NLGN4X: variants seen among roughly 807,000 people sequenced by gnomAD.
NLGN4X encodes neuroligin 4 X-linked.
NLGN4X carries 3 observed loss-of-function variants against 40.3 expected under a neutral mutation model. The ratio of observed to expected loss-of-function variants is 0.07; its 90% confidence interval spans 0.03 to 0.19. NLGN4X has a LOEUF of 0.19. Ranked by LOEUF, NLGN4X falls within the 10% of genes least tolerant of loss-of-function variation. The pLI is 1.00. For synonymous variants in NLGN4X, 270 were observed against 306.8 expected (o/e 0.88, Z 1.25); for missense variants, 382 against 708.3 (o/e 0.54, Z 5.23).
chrX:6,128,360 GC>G (rs771769326), intron 2 of NLGN4X, among the ~76,000 whole-genome samples: 1 of 111,426 alleles, frequency 9.0e-6, no homozygotes, highest in East Asian at 2.8e-4. Context: ...ATACAAGGGA[GC>G]CCACAAGAAA....
intron 2 of NLGN4X, among the ~76,000 whole-genome samples, chrX:6,131,993 G>A (rs2039690398): frequency 9.0e-6 from 1 of 111,595 alleles, no homozygotes; most frequent in South Asian, 3.7e-4. Flanking sequence ...GGCATCCCTT[G>A]CCTCCATTCC....
At chrX:6,145,705 G>A (rs771079972) in intron 2 of NLGN4X, among the ~76,000 whole-genome samples, 1 of 109,180 alleles carries the variant, frequency 9.2e-6, no homozygotes, top group African/African-American at 3.3e-5. Flanking sequence ...TTTTTTTTTT[G>A]TAAAATCGCT....
intron 5 of NLGN4X, among the ~76,000 whole-genome samples, chrX:5,894,985 T>C (rs1422953669): frequency 8.9e-6 from 1 of 112,171 alleles, no homozygotes; most frequent in African/African-American, 3.2e-5. Flanking sequence ...GCGGGACTTC[T>C]GTGAAACTGC....
At chrX:6,120,107 C>T (rs1030312251) in intron 2 of NLGN4X, among the ~76,000 whole-genome samples, 1 of 111,104 alleles carries the variant, frequency 9.0e-6, no homozygotes, top group South Asian at 3.9e-4. Context: ...CACTGAAGCC[C>T]GAAGCTGCAA....
chrX:5,939,715 C>A (rs1323917650), intron 3 of NLGN4X, among the ~76,000 whole-genome samples: 1 of 111,023 alleles, frequency 9.0e-6, no homozygotes, highest in Non-Finnish European at 1.9e-5. Context: ...GATAAGGGTC[C>A]CATGTAGTAT....
chrX:6,006,960 G>A (rs977645460), intron 3 of NLGN4X, among the ~76,000 whole-genome samples: 1 of 110,914 alleles, frequency 9.0e-6, no homozygotes, highest in Non-Finnish European at 1.9e-5. Flanking sequence ...TCTACTCAAA[G>A]GAAAAGAAAT....
chrX:6,199,999 G>T (rs1314295295), intron 1 of NLGN4X, among the ~76,000 whole-genome samples: 2 of 112,042 alleles, frequency 1.8e-5, no homozygotes, highest in East Asian at 5.6e-4. Context: ...TGGCTTGGCT[G>T]CATATCTCAG....
intron 3 of NLGN4X, among the ~76,000 whole-genome samples, chrX:6,003,876 C>T (rs1405119575): frequency 9.0e-6 from 1 of 111,369 alleles, no homozygotes; most frequent in Non-Finnish European, 1.9e-5. Flanking sequence ...CTACTAGATG[C>T]TGCCGTGGGG....
chrX:6,053,494 C>T (rs1301855559), intron 2 of NLGN4X, among the ~76,000 whole-genome samples: 3 of 110,679 alleles, frequency 2.7e-5, no homozygotes, highest in Non-Finnish European at 5.7e-5. Flanking sequence ...GGTTTCTCAG[C>T]GCTCAGATGG....
At chrX:5,911,370 A>G (rs1280183519) in intron 3 of NLGN4X, among the ~76,000 whole-genome samples, 1 of 111,933 alleles carries the variant, frequency 8.9e-6, no homozygotes, top group Admixed American at 9.5e-5. Context: ...CTTCCTCCCT[A>G]GCAAAATCAG....
intron 4 of NLGN4X, among the ~76,000 whole-genome samples, chrX:5,908,481 A>G (rs2146757871): frequency 8.9e-6 from 1 of 111,925 alleles, no homozygotes; most frequent in South Asian, 3.7e-4. Flanking sequence ...TTGTAGCTAG[A>G]AGTTAATAAA....
At chrX:6,074,624 C>T (rs1264641722) in intron 2 of NLGN4X, among the ~76,000 whole-genome samples, 7 of 111,523 alleles carry the variant, frequency 6.3e-5, no homozygotes, top group Admixed American at 3.8e-4. Flanking sequence ...GTGCCATTGT[C>T]GTAGCAATGG....
intron 2 of NLGN4X, among the ~76,000 whole-genome samples, chrX:6,088,742 T>C (rs1485310371): frequency 1.8e-5 from 2 of 112,059 alleles, no homozygotes; most frequent in Non-Finnish European, 3.8e-5. Flanking sequence ...TAACAATAGA[T>C]GTGTTGTTGA....
chrX:6,030,017 G>GA (rs746092129), intron 2 of NLGN4X, among the ~76,000 whole-genome samples: 2 of 109,603 alleles, frequency 1.8e-5, no homozygotes, highest in Admixed American at 1.9e-4. Flanking sequence ...CAGAAATAGG[G>GA]AAAAAAAAGA....
At chrX:6,113,306 G>A (rs1333340787) in intron 2 of NLGN4X, among the ~76,000 whole-genome samples, 1 of 110,886 alleles carries the variant, frequency 9.0e-6, no homozygotes, top group Non-Finnish European at 1.9e-5. Context: ...TTTGAGGGTG[G>A]GGTATAAGGA....
At chrX:5,956,385 A>G (rs900350632) in intron 3 of NLGN4X, among the ~76,000 whole-genome samples, 2 of 111,221 alleles carry the variant, frequency 1.8e-5, no homozygotes, top group African/African-American at 6.5e-5. Flanking sequence ...ACATACACAC[A>G]TTGATAACTT....
At chrX:6,083,714 G>A (rs767493842) in intron 2 of NLGN4X, among the ~76,000 whole-genome samples, 1 of 112,380 alleles carries the variant, frequency 8.9e-6, no homozygotes, top group East Asian at 2.8e-4. Context: ...AAATCCAACA[G>A]AGTTTGTATC....
chrX:5,970,774 CAATT>C (rs759049716), intron 3 of NLGN4X, among the ~76,000 whole-genome samples: 278 of 112,014 alleles, frequency 2.5e-3, no homozygotes, highest in African/African-American at 8.5e-3. Context: ...TTGTACCAAT[CAATT>C]GATACTATAT....
At chrX:6,122,412 T>C (rs1371974736) in intron 2 of NLGN4X, among the ~76,000 whole-genome samples, 5 of 110,495 alleles carry the variant, frequency 4.5e-5, no homozygotes, top group Non-Finnish European at 9.5e-5. Context: ...GTAATTTTTG[T>C]ATTTTTAGTA....
Sources: gnomAD v4.1 joint callset for allele counts (sites outside exome capture counted in the v4.1 genomes callset) on GRCh38, gnomAD v4.1.1 for gene constraint, MANE v1.5 for transcripts, NCBI Gene and HGNC (gene_info 2026-07-23, HGNC 2026-07-21) for gene names.